Variants in FDX1 observed in about 807,000 individuals in gnomAD.
The protein encoded by FDX1 is ferredoxin 1.
In FDX1, 9 loss-of-function variants were observed where a neutral mutation model predicts 14.9. That is an observed-to-expected ratio of 0.60 (90% confidence interval 0.36 to 1.05). The LOEUF is 1.05. Among genes scored for constraint, FDX1 ranks in the 50% least tolerant of loss-of-function variants. The pLI is 0.01. For missense variants in FDX1, 204 were observed against 237.2 expected, an observed-to-expected ratio of 0.86 and a Z score of 0.92; for synonymous variants, 92 against 99.4, an observed-to-expected ratio of 0.93 and a Z score of 0.44.
At chr11:110,452,064 T>C (rs914539233) in intron 2 of FDX1, among the ~76,000 whole-genome samples, 1 of 152,126 alleles carries the variant, frequency 6.6e-6, no homozygotes, top group Non-Finnish European at 1.5e-5. Flanking sequence ...TCACATCTTA[T>C]AAAAACATGA....
intron 2 of FDX1, among the ~76,000 whole-genome samples, chr11:110,455,259 C>T (rs60891859): frequency 4.5e-4 from 68 of 152,034 alleles, no homozygotes; most frequent in Admixed American, 3.3e-3. Flanking sequence ...CTCGGCCTCC[C>T]GAAGTGCTGG....
intron 1 of FDX1, among the ~76,000 whole-genome samples, chr11:110,432,021 C>A (rs769857613): frequency 3.3e-5 from 5 of 152,148 alleles, no homozygotes; most frequent in Non-Finnish European, 7.3e-5. Flanking sequence ...AGCCACATTT[C>A]GAGTTCTCAG....
chr11:110,452,841 C>A (rs1287211750), intron 2 of FDX1, among the ~76,000 whole-genome samples: 1 of 152,184 alleles, frequency 6.6e-6, no homozygotes, highest in Non-Finnish European at 1.5e-5. Context: ...CAGTCAAACA[C>A]TGTATGATTC....
At chr11:110,439,691 T>A (rs965534084) in intron 2 of FDX1, among the ~76,000 whole-genome samples, 3 of 152,226 alleles carry the variant, frequency 2.0e-5, no homozygotes, top group East Asian at 3.8e-4. Context: ...AGGTCCCATT[T>A]GTCAATTTTT....
chr11:110,434,024 AT>A (rs2134566042), intron 1 of FDX1, among the ~76,000 whole-genome samples: 1 of 152,344 alleles, frequency 6.6e-6, no homozygotes, highest in East Asian at 1.9e-4. Context: ...TGAGGTAAAA[AT>A]TAAAATGACC....
At chr11:110,429,385 T>C (rs985034071), upstream of FDX1, among the ~76,000 whole-genome samples, 1 of 152,190 alleles carries the variant, frequency 6.6e-6, no homozygotes, top group Admixed American at 6.5e-5. Flanking sequence ...TTCTGTTTTT[T>C]GTGAAAGTCT....
chr11:110,446,313 A>G (rs778625248), intron 2 of FDX1, among the ~76,000 whole-genome samples: 10 of 152,198 alleles, frequency 6.6e-5, no homozygotes, highest in African/African-American at 1.9e-4. Flanking sequence ...TAAACACTGC[A>G]TTTGTCATAA....
chr11:110,447,291 A>C (rs3951274), intron 2 of FDX1, among the ~76,000 whole-genome samples: 3 of 77,104 alleles, frequency 3.9e-5, no homozygotes, highest in East Asian at 4.9e-4. Flanking sequence ...AAAAAAAAAA[A>C]AAAAAAAAAA....
chr11:110,447,952 C>T (rs968552846), intron 2 of FDX1, among the ~76,000 whole-genome samples: 10 of 152,022 alleles, frequency 6.6e-5, no homozygotes, highest in South Asian at 2.1e-4. Flanking sequence ...TCATTGTATA[C>T]GAAATGAAGT....
At chr11:110,432,027 C>T (rs965500708) in intron 1 of FDX1, among the ~76,000 whole-genome samples, 19 of 152,304 alleles carry the variant, frequency 1.2e-4, no homozygotes, top group African/African-American at 4.6e-4. Flanking sequence ...ATTTCGAGTT[C>T]TCAGTAGCCA....
chr11:110,438,227 A>G (rs535947764), intron 2 of FDX1, among the ~76,000 whole-genome samples: 3 of 152,326 alleles, frequency 2.0e-5, no homozygotes, highest in African/African-American at 7.2e-5. Context: ...CAGCAGCTTA[A>G]CTAATTTACA....
At chr11:110,457,148 C>A in intron 3 of FDX1, 101 bp downstream of exon 3, 1 of 1,013,620 alleles carries the variant, frequency 9.9e-7, no homozygotes, top group Non-Finnish European at 1.4e-6. Flanking sequence ...TAATAGTGTT[C>A]TACCAGGTTA....
Position 110,438,094 on chromosome 11 carries a change from G to A in FDX1, c.310+2136G>A, listed in dbSNP as rs180991049. On this transcript the variant is annotated intron_variant, in intron 2 of 3. Coordinates refer to ENST00000260270, the MANE Select transcript of FDX1 (RefSeq NM_004109.5). ...ATGAATAGTGCTGAGGTAAACATACGAGAGCATGTGTCTTTTGGTAGAATT... is the reference window on the plus strand; with the variant it reads ...ATGAATAGTGCTGAGGTAAACATACAAGAGCATGTGTCTTTTGGTAGAATT... Among the ~76,000 whole-genome samples, 392 of 152,286 alleles carry A rather than the reference G, an allele frequency of 2.6e-3. 3 individuals carry two copies. Among genetic ancestry groups the A allele is most frequent in the African/African-American group, 8.2e-3 (339 of 41,548 alleles).
At chr11:110,458,400 G>A (rs1363593912) in intron 3 of FDX1, among the ~76,000 whole-genome samples, 6 of 152,270 alleles carry the variant, frequency 3.9e-5, no homozygotes, top group Non-Finnish European at 5.9e-5. Flanking sequence ...GTGGGAAAGA[G>A]TATAATGGGT....
intron 2 of FDX1, among the ~76,000 whole-genome samples, chr11:110,437,705 A>G (rs1476011297): frequency 6.6e-6 from 1 of 152,186 alleles, no homozygotes; most frequent in Non-Finnish European, 1.5e-5. Flanking sequence ...TGGATGTATC[A>G]TGTGATGCTG....
intron 3 of FDX1, among the ~76,000 whole-genome samples, chr11:110,459,197 G>A (rs549597496): frequency 1.3e-5 from 2 of 152,284 alleles, no homozygotes; most frequent in East Asian, 3.9e-4. Flanking sequence ...CTACACAGAG[G>A]CCTCAGATTC....
At chr11:110,430,973 C>T (rs1355103452) in intron 1 of FDX1, among the ~76,000 whole-genome samples, 2 of 152,206 alleles carry the variant, frequency 1.3e-5, no homozygotes, top group Non-Finnish European at 2.9e-5. Context: ...CCCAGTTTCT[C>T]CATTTGCAAG....
rs189846544 is a variant in FDX1, at chr11:110,450,950, A to G, written c.311-5968A>G. On this transcript the variant is annotated intron_variant, in intron 2 of 3. Coordinates refer to ENST00000260270, the MANE Select transcript of FDX1 (RefSeq NM_004109.5). ...TCTGGGGCTGTGTATATAATAAGTTATATAACTTTTGCACCTCATTCCTTC... is the reference window on the plus strand; with the variant it reads ...TCTGGGGCTGTGTATATAATAAGTTGTATAACTTTTGCACCTCATTCCTTC... Among the ~76,000 whole-genome samples the G allele has an allele frequency of 2.5e-3, 382 of 152,318 alleles. 6 individuals carry two copies. Among genetic ancestry groups the G allele is most frequent in the Non-Finnish European group, 4.7e-4 (32 of 68,012 alleles).
intron 1 of FDX1, among the ~76,000 whole-genome samples, chr11:110,430,948 G>A (rs1487187912): frequency 2.0e-5 from 3 of 152,214 alleles, no homozygotes; most frequent in Non-Finnish European, 4.4e-5. Context: ...GCCTAACTTG[G>A]TCAGTCCTTA....
Sources: allele counts gnomAD v4.1 joint callset (sites outside exome capture counted in the v4.1 genomes callset), GRCh38; gene constraint gnomAD v4.1.1; transcripts MANE v1.5; gene names NCBI Gene and HGNC (gene_info 2026-07-23, HGNC 2026-07-21).